Variants in STARD13 observed in about 807,000 individuals in gnomAD.
The protein encoded by STARD13 is stAR-related lipid transfer protein 13.
In STARD13, 62 loss-of-function variants were observed where a neutral mutation model predicts 106.4. That is an observed-to-expected ratio of 0.58 (90% CI 0.48 to 0.72). The LOEUF (loss-of-function observed/expected upper bound fraction) is 0.72. Ranked by LOEUF, STARD13 falls within the 30% of genes least tolerant of loss-of-function variation. The probability of loss-of-function intolerance (pLI) is 0.00; values close to 1 mark genes in which losing one functional copy is unlikely to be tolerated. For missense variants in STARD13, 1,387 were observed against 1,424.0 expected, an observed-to-expected ratio of 0.97 and a Z score of 0.42; for synonymous variants, 565 against 553.0, an observed-to-expected ratio of 1.02 and a Z score of -0.31.
chr13:33,158,131 C>T (rs999285965), intron 3 of STARD13, among the ~76,000 whole-genome samples: 1 of 152,072 alleles, frequency 6.6e-6, no homozygotes, highest in African/African-American at 2.4e-5. Context: ...GGAGGTCACA[C>T]CTTCTGCAAA....
the STARD13 span, among the ~76,000 whole-genome samples, chr13:33,499,589 TTCTTCTTCTTCTTCTTTCTTC>T: frequency 4.9e-5 from 3 of 60,988 alleles, no homozygotes; most frequent in African/African-American, 1.7e-4. Flanking sequence ...CTTCTTCTTC[TTCTTCTTCTTCTTCTTTCTTC>T]TTCTTCTTCT....
chr13:33,416,346 A>G, the STARD13 span, among the ~76,000 whole-genome samples: 1 of 152,256 alleles, frequency 6.6e-6, no homozygotes, highest in African/African-American at 2.4e-5. Flanking sequence ...CATTTGAGCT[A>G]GTTGTAAGGG....
At chr13:33,569,865 A>G in the STARD13 span, among the ~76,000 whole-genome samples, 2 of 147,752 alleles carry the variant, frequency 1.4e-5, no homozygotes, top group East Asian at 2.0e-4. Flanking sequence ...TTAAAAATTT[A>G]CTAACCAGCA....
the STARD13 span, among the ~76,000 whole-genome samples, chr13:33,648,713 A>T: frequency 2.0e-5 from 3 of 151,202 alleles, no homozygotes; most frequent in Non-Finnish European, 4.4e-5. Context: ...CCCAAATCAC[A>T]GCTACTTACC....
chr13:33,350,268 G>A, intron 1 of STARD13: 2 of 1,519,070 alleles, frequency 1.3e-6, no homozygotes, highest in East Asian at 2.5e-5. Flanking sequence ...CCCGTGGGTC[G>A]CGGCGTCTCC....
the STARD13 span, among the ~76,000 whole-genome samples, chr13:33,622,614 C>CAAAAAAAAAAA: frequency 1.4e-4 from 4 of 28,186 alleles, 2 homozygotes; most frequent in Non-Finnish European, 2.8e-4. Flanking sequence ...GACTCCGTCT[C>CAAAAAAAAAAA]AAAAAAAAAA....
At chr13:33,127,881 A>G (rs201868412) in intron 5 of STARD13, among the ~76,000 whole-genome samples, 225 of 149,334 alleles carry the variant, frequency 1.5e-3, no homozygotes, top group African/African-American at 3.2e-3. Flanking sequence ...GTGTGTGTGT[A>G]TGTGAGAGAG....
chr13:33,394,726 G>T, the STARD13 span, among the ~76,000 whole-genome samples: 1 of 152,178 alleles, frequency 6.6e-6, no homozygotes, highest in African/African-American at 2.4e-5. Flanking sequence ...ACATGCCAGG[G>T]ATGTGTTCCT....
At chr13:33,359,389 G>C in the STARD13 span, 1 of 169,260 alleles carries the variant, frequency 5.9e-6, no homozygotes, top group Non-Finnish European at 1.2e-5. Flanking sequence ...CCACCAGAAG[G>C]AAGAAACTCC....
chr13:33,283,403 T>C (rs1485784700), intron 1 of STARD13, among the ~76,000 whole-genome samples: 1 of 152,202 alleles, frequency 6.6e-6, no homozygotes, highest in East Asian at 1.9e-4. Flanking sequence ...TCTGTGTGCC[T>C]CTGTTTTCTC....
the STARD13 span, among the ~76,000 whole-genome samples, chr13:33,629,992 C>T: frequency 6.6e-6 from 1 of 152,252 alleles, no homozygotes; most frequent in Admixed American, 6.5e-5. Flanking sequence ...AAATGAAAGC[C>T]TTTTATTGAA....
At chr13:33,637,484 C>T in the STARD13 span, among the ~76,000 whole-genome samples, 1 of 152,194 alleles carries the variant, frequency 6.6e-6, no homozygotes, top group African/African-American at 2.4e-5. Flanking sequence ...TATGTTTTAA[C>T]ACATAGCCCT....
the STARD13 span, among the ~76,000 whole-genome samples, chr13:33,515,633 G>A: frequency 6.6e-6 from 1 of 152,114 alleles, no homozygotes; most frequent in Non-Finnish European, 1.5e-5. Context: ...GGTAGTGATG[G>A]TTCTACTGGG....
chr13:33,430,705 A>G, the STARD13 span, among the ~76,000 whole-genome samples: 1 of 152,246 alleles, frequency 6.6e-6, no homozygotes, highest in Non-Finnish European at 1.5e-5. Flanking sequence ...GGATAAAGAA[A>G]TGTGGTATAT....
chr13:33,139,011 A>T, intron 4 of STARD13: 1 of 341,568 alleles, frequency 2.9e-6, no homozygotes, highest in Non-Finnish European at 5.8e-6. Context: ...CTATTTGTGG[A>T]CTTTTCACAT....
the STARD13 span, among the ~76,000 whole-genome samples, chr13:33,418,716 G>A: frequency 1.3e-5 from 2 of 152,176 alleles, no homozygotes; most frequent in African/African-American, 4.8e-5. Flanking sequence ...ATACAGGCGG[G>A]TGCCCCTCTG....
the STARD13 span, among the ~76,000 whole-genome samples, chr13:33,666,584 T>C: frequency 6.6e-6 from 1 of 151,362 alleles, no homozygotes; most frequent in Non-Finnish European, 1.5e-5. Flanking sequence ...CGTGAGCCAC[T>C]GCACCCAGCC....
At chr13:33,166,112 C>T (rs1297806285) in intron 2 of STARD13, among the ~76,000 whole-genome samples, 1 of 152,136 alleles carries the variant, frequency 6.6e-6, no homozygotes, top group African/African-American at 2.4e-5. Context: ...CATTGACTTG[C>T]CACTTTTTCC....
chr13:33,266,616 A>G (rs1890909292), intron 1 of STARD13, among the ~76,000 whole-genome samples: 1 of 152,170 alleles, frequency 6.6e-6, no homozygotes, highest in African/African-American at 2.4e-5. Context: ...CCTGCTTAGG[A>G]CAACTCTGCG....
Sources: gnomAD v4.1 joint callset for allele counts (sites outside exome capture counted in the v4.1 genomes callset) on GRCh38, gnomAD v4.1.1 for gene constraint, MANE v1.5 for transcripts, NCBI Gene and HGNC (gene_info 2026-07-23, HGNC 2026-07-21) for gene names.